NEBL: variants seen among roughly 807,000 people sequenced by gnomAD.
The protein encoded by NEBL is LIM and SH3 protein 2.
NEBL carries 122 observed loss-of-function variants against 140.2 expected under a neutral mutation model. The observed-to-expected ratio is 0.87, with a 90% CI of 0.75 to 1.01. The LOEUF (loss-of-function observed/expected upper bound fraction) is 1.01. Ranked by LOEUF, NEBL falls within the 50% of genes least tolerant of loss-of-function variation. The pLI is 0.00. For synonymous variants in NEBL, 436 were observed against 398.9 expected (o/e 1.09, Z -1.11); for missense variants, 1,365 against 1,231.3 (o/e 1.11, Z -1.62).
chr10:21,104,957 C>CTT (rs1837643110), intron 2 of NEBL, among the ~76,000 whole-genome samples: 1 of 152,124 alleles, frequency 6.6e-6, no homozygotes, highest in Admixed American at 6.6e-5. Context: ...TAGTAAAATG[C>CTT]TTTTCTACAC....
chr10:21,160,258 G>A (rs1164143048), intron 2 of NEBL, among the ~76,000 whole-genome samples: 2 of 151,860 alleles, frequency 1.3e-5, no homozygotes, highest in South Asian at 4.2e-4. Context: ...ACACTTCCTG[G>A]GCAGCAGCCC....
chr10:20,939,741 T>A (rs1466528294), intron 4 of NEBL, among the ~76,000 whole-genome samples: 5 of 151,986 alleles, frequency 3.3e-5, no homozygotes, highest in Non-Finnish European at 5.9e-5. Flanking sequence ...TGGAGGAAGA[T>A]CTACCAAGCA....
At chr10:20,837,856 GA>G (rs2130950206) in intron 13 of NEBL, among the ~76,000 whole-genome samples, 1 of 152,258 alleles carries the variant, frequency 6.6e-6, no homozygotes, top group East Asian at 1.9e-4. Context: ...TTTATAAATG[GA>G]ATAACAAAGC....
intron 18 of NEBL, among the ~76,000 whole-genome samples, chr10:20,824,909 T>C (rs1839688737): frequency 6.6e-6 from 1 of 152,198 alleles, no homozygotes; most frequent in Admixed American, 6.5e-5. Flanking sequence ...ATATTATCAT[T>C]GGAAAGAGAA....
intron 3 of NEBL, among the ~76,000 whole-genome samples, chr10:21,224,304 G>A (rs1023761052): frequency 6.6e-5 from 10 of 152,078 alleles, no homozygotes; most frequent in Non-Finnish European, 1.5e-4. Flanking sequence ...TGGCACTTTT[G>A]TTGAAAATAA....
intron 26 of NEBL, among the ~76,000 whole-genome samples, chr10:20,800,575 A>G (rs1041746454): frequency 6.6e-6 from 1 of 152,132 alleles, no homozygotes; most frequent in African/African-American, 2.4e-5. Context: ...CGGCTCTACC[A>G]ATCTACATTC....
intron 3 of NEBL, among the ~76,000 whole-genome samples, chr10:21,233,352 C>G (rs1352431692): frequency 1.3e-5 from 2 of 152,056 alleles, no homozygotes; most frequent in African/African-American, 4.8e-5. Flanking sequence ...CCAGCCTCAA[C>G]CACTTCTCTT....
At chr10:20,833,625 A>T (rs907963700) in intron 14 of NEBL, among the ~76,000 whole-genome samples, 2 of 152,030 alleles carry the variant, frequency 1.3e-5, no homozygotes, top group African/African-American at 4.8e-5. Flanking sequence ...ACAAAATTTC[A>T]TTTAATTGCC....
intron 14 of NEBL, among the ~76,000 whole-genome samples, chr10:20,833,082 T>C (rs1386894594): frequency 6.6e-6 from 1 of 152,182 alleles, no homozygotes; most frequent in Non-Finnish European, 1.5e-5. Flanking sequence ...CAAATGTAAA[T>C]GTGTTCTAAA....
rs568864959 is a variant in NEBL, at chr10:20,873,500, G to A, written c.481-3659C>T. Among the ~76,000 whole-genome samples the A allele has an allele frequency of 4.6e-4, 70 of 152,048 alleles. 2 individuals are homozygous for A. The South Asian group carries it at 0.013, about 28-fold the overall frequency. ...GAACAGGAGGAGGAGGGGGAAAAGA[G>A]GAGGAAGAAGAAAGAAAGATTAAAG... On this transcript the variant is annotated intron_variant, in intron 5 of 27. Transcript: ENST00000377122.
chr10:21,091,474 A>G lies in NEBL; in HGVS notation c.165-71273T>C, dbSNP rs558625071. On this transcript the variant is annotated intron_variant, in intron 2 of 6. Coordinates refer to the NEBL transcript ENST00000417816. ...GACAAATAGGCAGCCTACAAAATAC[A>G]CTGTTAACACAAAACAAAAATACTT... Among the ~76,000 whole-genome samples, 13 of 152,250 alleles carry G rather than the reference A, an allele frequency of 8.5e-5. No homozygotes were observed. In the East Asian group the frequency reaches 1.9e-3, roughly 23 times the overall value.
intron 1 of NEBL, among the ~76,000 whole-genome samples, chr10:21,281,733 A>G (rs1842996661): frequency 6.6e-6 from 1 of 152,002 alleles, no homozygotes; most frequent in Non-Finnish European, 1.5e-5. Context: ...CATTCTATGG[A>G]TTTGGAAAAA....
intron 2 of NEBL, chr10:21,029,302 A>T: frequency 6.2e-7 from 1 of 1,609,474 alleles, no homozygotes; most frequent in Non-Finnish European, 8.5e-7. Flanking sequence ...TTTTCTAGGG[A>T]ACCTATCCTA....
chr10:20,791,253 A>G (rs1835940851), intron 26 of NEBL, among the ~76,000 whole-genome samples: 1 of 152,230 alleles, frequency 6.6e-6, no homozygotes, highest in African/African-American at 2.4e-5. Context: ...TGTCTCTTCT[A>G]CTGTACAATA....
intron 4 of NEBL, among the ~76,000 whole-genome samples, chr10:20,930,832 T>G (rs1176965667): frequency 1.3e-5 from 2 of 152,238 alleles, no homozygotes. Context: ...CCATAAGGTT[T>G]GCCTAGAATG....
chr10:20,989,488 AAT>A (rs1397183277), intron 3 of NEBL, among the ~76,000 whole-genome samples: 1 of 152,204 alleles, frequency 6.6e-6, no homozygotes. Flanking sequence ...AATTCCAAAA[AAT>A]GTTTTTTTAG....
chr10:20,992,502 C>T (rs1564473167), intron 3 of NEBL, among the ~76,000 whole-genome samples: 2 of 152,072 alleles, frequency 1.3e-5, no homozygotes, highest in Admixed American at 6.6e-5. Flanking sequence ...GTGGCACAGG[C>T]CCCAGTGGCA....
At chr10:20,815,232 A>G (rs892837033) in intron 22 of NEBL, among the ~76,000 whole-genome samples, 1 of 152,226 alleles carries the variant, frequency 6.6e-6, no homozygotes, top group Non-Finnish European at 1.5e-5. Context: ...GTAATGATCC[A>G]TCTCCTATTT....
intron 10 of NEBL, 113 bp from the exon 11 acceptor site, chr10:20,850,615 T>C: frequency 2.7e-6 from 2 of 732,978 alleles, no homozygotes; most frequent in South Asian, 3.3e-5. Context: ...AATCATATTA[T>C]TCTGGCCATT....
Sources: allele counts gnomAD v4.1 joint callset (sites outside exome capture counted in the v4.1 genomes callset), GRCh38; gene constraint gnomAD v4.1.1; transcripts MANE v1.5; gene names NCBI Gene and HGNC (gene_info 2026-07-23, HGNC 2026-07-21).